KDM7A: variants seen among roughly 807,000 people sequenced by gnomAD.
KDM7A encodes lysine-specific demethylase 7A.
Under a neutral mutation model 114.8 loss-of-function variants are expected in KDM7A, and 28 were observed. The ratio of observed to expected loss-of-function variants is 0.24; its 90% CI spans 0.18 to 0.33. The LOEUF (loss-of-function observed/expected upper bound fraction) is 0.33, where lower values mean the gene tolerates loss of function less well. KDM7A is among the 10% of genes least tolerant of loss of function. The pLI, the probability that KDM7A is intolerant of heterozygous loss-of-function variation, is 1.00. For missense variants in KDM7A, 942 were observed against 1,142.5 expected (o/e 0.82, Z 2.53); for synonymous variants, 423 against 397.8 (o/e 1.06, Z -0.75).
rs1318217688 is a variant in KDM7A, at chr7:140,100,681, CATATAT to C, written c.1639-664_1639-659del. Among the ~76,000 whole-genome samples the C allele has an allele frequency of 1.0e-2, 440 of 44,066 alleles. 3 individuals are homozygous for C. Among genetic ancestry groups the C allele is most frequent in the South Asian group, 0.034 (54 of 1,594 alleles). 28.9% of individuals were successfully genotyped at this position (44,066 alleles called of 152,430 possible). On this transcript the variant is annotated intron_variant, in intron 12 of 19. Transcript: ENST00000397560. Reference sequence around the variant, plus strand: ...AAAGTTATATATATATATATATATACATATATACATATATATATATATATATACACA... The same window carrying C: ...AAAGTTATATATATATATATATATACACATATATATATATATATATACACA...
intron 17 of KDM7A, among the ~76,000 whole-genome samples, chr7:140,095,899 A>AATAC (rs1487431939): frequency 6.6e-6 from 1 of 152,058 alleles, no homozygotes; most frequent in Admixed American, 6.6e-5. Context: ...TAAATAAATA[A>AATAC]TAAAAAAAAT....
At chr7:140,170,469 C>A (rs1333395423) in intron 1 of KDM7A, among the ~76,000 whole-genome samples, 2 of 152,178 alleles carry the variant, frequency 1.3e-5, no homozygotes, top group African/African-American at 2.4e-5. Flanking sequence ...CCATCTACCC[C>A]CTTGACAGCA....
In KDM7A at chr7:140,094,122, A is replaced by C; in HGVS notation, c.2391T>G (p.Thr797=). 1 of 1,592,752 alleles carries C rather than the reference A, an allele frequency of 6.3e-7. No homozygotes were observed. The highest frequency in any genetic ancestry group is 8.6e-7 in the Non-Finnish European group (1 of 1,160,452). ...KPVECGYHVK[T]EDPDLRTSSW... ...AGGAAGTCCTCAAGTCTGGATCTTCAGTCTTGACATGGTATCCTAAAGAGA... is the reference window on the plus strand; with the variant it reads ...AGGAAGTCCTCAAGTCTGGATCTTCCGTCTTGACATGGTATCCTAAAGAGA... The change falls in exon 18 of 20, where the codon ACT becomes ACG. Residue 797 remains threonine (T), a synonymous_variant. Coordinates refer to ENST00000397560, the MANE Select transcript of KDM7A (RefSeq NM_030647.2).
intron 8 of KDM7A, among the ~76,000 whole-genome samples, chr7:140,119,973 A>G (rs58455474): frequency 0.06 from 9,063 of 152,276 alleles, 340 homozygotes; most frequent in East Asian, 0.13. Context: ...TTAGACTACT[A>G]GGAGAAGAGA....
rs779469543 is a variant in KDM7A, at chr7:140,133,658, T to G, written c.281-2A>C. 1 of 1,551,122 alleles carries G rather than the reference T, an allele frequency of 6.4e-7. No homozygotes were observed. Reference sequence around the variant, plus strand: ...TGTGCCAGTTCCTCCTTTTTTTCACTGGATTTTTAAAAGATTAAAAAAAAA... The same window carrying G: ...TGTGCCAGTTCCTCCTTTTTTTCACGGGATTTTTAAAAGATTAAAAAAAAA... On this transcript the variant is annotated splice_acceptor_variant, in intron 2 of 19. Coordinates refer to ENST00000397560, the MANE Select transcript of KDM7A (RefSeq NM_030647.2). LOFTEE classifies it high-confidence loss of function.
chr7:140,167,927 G>A (rs1794596277), intron 1 of KDM7A, among the ~76,000 whole-genome samples: 1 of 151,838 alleles, frequency 6.6e-6, no homozygotes, highest in Admixed American at 6.6e-5. Context: ...AGGGACAAAG[G>A]ACTAAAAGCT....
chr7:140,097,474 C>T lies in KDM7A; in HGVS notation c.2016+71G>A, dbSNP rs1055367803. 1.3e-5 allele frequency: 11 copies of T among 827,194 alleles called. No homozygotes were observed. In the African/African-American group the frequency reaches 1.5e-4, roughly 12 times the overall value. 51.2% of individuals were successfully genotyped at this position (827,194 alleles called of 1,614,324 possible). On this transcript the variant is annotated intron_variant, in intron 15 of 19. Transcript: ENST00000397560. ...TTGAGAAAAGCTGTCATTTGCCTTG[C>T]TTCCAGGAGAAGTTACGTGGTGCTC... is the stretch of plus-strand genomic sequence containing the variant.
chr7:140,131,673 G>A (rs1818788970), intron 3 of KDM7A, among the ~76,000 whole-genome samples: 1 of 152,140 alleles, frequency 6.6e-6, no homozygotes, highest in Non-Finnish European at 1.5e-5. Context: ...CCCAACCTCT[G>A]AGGATTAAAT....
At chr7:140,112,197 T>C (rs62491407) in intron 10 of KDM7A, among the ~76,000 whole-genome samples, 9,410 of 152,322 alleles carry the variant, frequency 0.062, 369 homozygotes, top group Non-Finnish European at 0.09. Context: ...AGCAGATATG[T>C]AGCAATGATA....
chr7:140,106,112 A>G (rs1473261077), intron 11 of KDM7A, among the ~76,000 whole-genome samples: 3 of 152,102 alleles, frequency 2.0e-5, no homozygotes, highest in Non-Finnish European at 4.4e-5. Context: ...GGTAGTTTGT[A>G]TTTCTGTGGG....
chr7:140,116,565 T>C (rs1436785317), intron 9 of KDM7A, among the ~76,000 whole-genome samples: 2 of 152,118 alleles, frequency 1.3e-5, no homozygotes, highest in African/African-American at 4.8e-5. Context: ...TTCTAAGGTA[T>C]TGGCAAGGCT....
Position 140,093,205 on chromosome 7 carries a change from C to T in KDM7A, c.2457+851G>A, listed in dbSNP as rs567155078. Among the ~76,000 whole-genome samples, 139 of 152,326 alleles carry T rather than the reference C, an allele frequency of 9.1e-4. 1 individual carries two copies. The highest frequency in any genetic ancestry group is 1.3e-3 in the Non-Finnish European group (87 of 68,036). On this transcript the variant is annotated intron_variant, in intron 18 of 19. Transcript: ENST00000397560. ...GGATTTTAATCCATTCCTCCAGTCA[C>T]CTCAGGGCTCTGGAAGATGGCAAAA...
At chr7:140,116,690 T>A (rs1818535657) in intron 9 of KDM7A, among the ~76,000 whole-genome samples, 1 of 151,802 alleles carries the variant, frequency 6.6e-6, no homozygotes, top group Non-Finnish European at 1.5e-5. Context: ...TCAACTATTT[T>A]AATAACATAA....
At chr7:140,104,650 G>A (rs985827682) in intron 11 of KDM7A, among the ~76,000 whole-genome samples, 27 of 152,126 alleles carry the variant, frequency 1.8e-4, no homozygotes, top group African/African-American at 6.3e-4. Context: ...CCATTGGTCT[G>A]TATCTCTGTT....
chr7:140,113,143 T>C (rs1046594495), intron 10 of KDM7A, among the ~76,000 whole-genome samples: 20 of 152,218 alleles, frequency 1.3e-4, no homozygotes, highest in African/African-American at 4.6e-4. Context: ...GCATTGAGGA[T>C]TAAATGAGAT....
At chr7:140,134,526 G>T (rs1417910935) in intron 2 of KDM7A, among the ~76,000 whole-genome samples, 1 of 151,758 alleles carries the variant, frequency 6.6e-6, no homozygotes, top group African/African-American at 2.4e-5. Context: ...CAGCTCTTGT[G>T]TGTTGTATCA....
intron 11 of KDM7A, 120 bp from the exon 12 acceptor site, chr7:140,102,280 C>CA (rs1439795931): frequency 1.4e-6 from 1 of 712,404 alleles, no homozygotes. Context: ...CATATAAACA[C>CA]AAAAAAGACT....
intron 1 of KDM7A, among the ~76,000 whole-genome samples, chr7:140,145,013 A>AG (rs1408975962): frequency 1.3e-5 from 2 of 152,192 alleles, no homozygotes; most frequent in African/African-American, 4.8e-5. Flanking sequence ...CTTCCTGTAC[A>AG]GCCATAGAAC....
At chr7:140,122,762 G>T (rs1016068349) in intron 7 of KDM7A, among the ~76,000 whole-genome samples, 2 of 152,178 alleles carry the variant, frequency 1.3e-5, no homozygotes, top group Admixed American at 6.5e-5. Context: ...TTCTTTGAGG[G>T]TCTCTCAAGA....
Sources: gnomAD v4.1 joint callset for allele counts (sites outside exome capture counted in the v4.1 genomes callset) on GRCh38, gnomAD v4.1.1 for gene constraint, MANE v1.5 for transcripts, NCBI Gene and HGNC (gene_info 2026-07-23, HGNC 2026-07-21) for gene names.